The following DENND2A variants were observed in gnomAD, a reference collection of about 807,000 sequenced individuals.
DENND2A encodes the protein DENN domain-containing protein 2A.
In DENND2A, 53 loss-of-function variants were observed where a neutral mutation model predicts 105.3. The observed-to-expected ratio is 0.50, with a 90% confidence interval of 0.40 to 0.63. The LOEUF (loss-of-function observed/expected upper bound fraction) is 0.63. DENND2A is among the 30% of genes least tolerant of loss of function. The pLI, the probability that DENND2A is intolerant of heterozygous loss-of-function variation, is 0.00. For missense variants in DENND2A, 1,138 were observed against 1,279.6 expected (o/e 0.89, Z 1.69); for synonymous variants, 522 against 508.4 (o/e 1.03, Z -0.36).
At chr7:140,542,676 T>C (rs1796717760) in intron 14 of DENND2A, among the ~76,000 whole-genome samples, 1 of 151,732 alleles carries the variant, frequency 6.6e-6, no homozygotes, top group East Asian at 2.0e-4. Flanking sequence ...ACGATTCTTC[T>C]TCAAGCCTCC....
intron 8 of DENND2A, 23 bp from the exon 9 acceptor site, chr7:140,567,296 A>AGAG (rs1797882416): frequency 2.6e-5 from 22 of 830,692 alleles, no homozygotes; most frequent in Middle Eastern, 4.1e-4. Flanking sequence ...GGGAGAGAGA[A>AGAG]AGAGAGAAAG....
At chr7:140,621,104 C>T (rs1800274113) in intron 1 of DENND2A, among the ~76,000 whole-genome samples, 1 of 152,194 alleles carries the variant, frequency 6.6e-6, no homozygotes, top group Non-Finnish European at 1.5e-5. Flanking sequence ...TCATGGCTCA[C>T]TGCAGCCTCA....
chr7:140,626,569 G>T (rs920896181), intron 1 of DENND2A, among the ~76,000 whole-genome samples: 5 of 152,124 alleles, frequency 3.3e-5, no homozygotes, highest in Admixed American at 2.6e-4. Context: ...TTGCTTCCTG[G>T]CACATCTCCC....
chr7:140,589,867 G>C (rs1798938764), intron 3 of DENND2A, among the ~76,000 whole-genome samples: 1 of 152,150 alleles, frequency 6.6e-6, no homozygotes, highest in Non-Finnish European at 1.5e-5. Context: ...GGGCTCAAGC[G>C]ATCCTCCTGT....
intron 16 of DENND2A, among the ~76,000 whole-genome samples, chr7:140,524,861 T>C (rs79752651): frequency 0.091 from 13,693 of 151,272 alleles, 695 homozygotes; most frequent in African/African-American, 0.12. Flanking sequence ...GGATTGTAAG[T>C]GTGCCCCGGC....
chr7:140,609,506 C>A (rs538601967), intron 1 of DENND2A, among the ~76,000 whole-genome samples: 1 of 152,214 alleles, frequency 6.6e-6, no homozygotes, highest in South Asian at 2.1e-4. Context: ...GAGTGAGACT[C>A]TTTTTTGAGA....
intron 1 of DENND2A, among the ~76,000 whole-genome samples, chr7:140,609,390 A>T (rs1297164449): frequency 6.6e-6 from 1 of 151,966 alleles, no homozygotes; most frequent in African/African-American, 2.4e-5. Context: ...GTGGGCGCTT[A>T]TAATCCCAGC....
chr7:140,532,115 A>G (rs538793068), intron 14 of DENND2A, among the ~76,000 whole-genome samples: 1 of 152,020 alleles, frequency 6.6e-6, no homozygotes, highest in African/African-American at 2.4e-5. Context: ...ATACAAAAAA[A>G]TTAGCCAGAT....
At chr7:140,526,099 G>T (rs1159508959) in intron 15 of DENND2A, among the ~76,000 whole-genome samples, 1 of 152,172 alleles carries the variant, frequency 6.6e-6, no homozygotes, top group Admixed American at 6.5e-5. Context: ...GCCTTTTAGG[G>T]TGTGGGCTAC....
At chr7:140,550,480 C>G (rs1797086472) in intron 12 of DENND2A, among the ~76,000 whole-genome samples, 1 of 152,198 alleles carries the variant, frequency 6.6e-6, no homozygotes, top group South Asian at 2.1e-4. Context: ...GCCTCAGCCC[C>G]TGGCTAATTT....
intron 5 of DENND2A, among the ~76,000 whole-genome samples, chr7:140,576,486 T>C (rs1357301330): frequency 2.0e-5 from 3 of 152,230 alleles, no homozygotes; most frequent in African/African-American, 4.8e-5. Flanking sequence ...ATCCTTGTTC[T>C]ATTTAATGAA....
At chr7:140,552,444 A>C (rs1292117988) in intron 12 of DENND2A, among the ~76,000 whole-genome samples, 2 of 150,122 alleles carry the variant, frequency 1.3e-5, no homozygotes, top group African/African-American at 4.9e-5. Context: ...CCAAGGCTGG[A>C]GTGCACTGGT....
chr7:140,597,587 A>G (rs1162867972), intron 3 of DENND2A, among the ~76,000 whole-genome samples: 1 of 152,246 alleles, frequency 6.6e-6, no homozygotes, highest in African/African-American at 2.4e-5. Context: ...TTGGACTGAA[A>G]TAAGTAACTT....
rs540329407 is a variant in DENND2A at position 140,591,696 on chromosome 7, T to G, written c.996-3916A>C. 1.9e-4 allele frequency among the ~76,000 whole-genome samples: 22 copies of G among 118,896 alleles called. No individual in the cohort carries two copies. In the South Asian group the frequency reaches 5.6e-3, roughly 30 times the overall value. The allele number at this position is 118,896 out of a possible 152,430, so 78.0% of individuals were successfully genotyped here. ...CTCTTTCTTTCTTTCTTTCTTTCCTTCCTTCCTTCCTTCTTTCTCTCTCTT... is the reference window on the plus strand; with the variant it reads ...CTCTTTCTTTCTTTCTTTCTTTCCTGCCTTCCTTCCTTCTTTCTCTCTCTT... On this transcript the variant is annotated intron_variant, in intron 3 of 19. Transcript: ENST00000496613.
intron 14 of DENND2A, among the ~76,000 whole-genome samples, chr7:140,531,085 T>A (rs975797569): frequency 1.3e-5 from 2 of 152,236 alleles, no homozygotes; most frequent in Non-Finnish European, 1.5e-5. Flanking sequence ...AAAGCAGAGA[T>A]ACCTTTCCCT....
rs970417890 is a variant in DENND2A, at chr7:140,601,305, A to G, written c.995+98T>C. 5 of 1,461,894 alleles carry G rather than the reference A, an allele frequency of 3.4e-6. No homozygotes were observed. The African/African-American group carries it at 4.2e-5, about 12-fold the overall frequency. The allele number at this position is 1,461,894 out of a possible 1,614,324, so 90.6% of individuals were successfully genotyped here. Reference sequence around the variant, plus strand: ...GGACTACAAGATCCATCAGTTTAATAAAACAAATAATTCAGCTGAGAACAG... The same window carrying G: ...GGACTACAAGATCCATCAGTTTAATGAAACAAATAATTCAGCTGAGAACAG... On this transcript the variant is annotated intron_variant, in intron 3 of 19. Coordinates refer to ENST00000496613, the MANE Select transcript of DENND2A (RefSeq NM_015689.5).
chr7:140,530,492 A>G (rs1796220289), intron 14 of DENND2A, among the ~76,000 whole-genome samples: 3 of 152,120 alleles, frequency 2.0e-5, no homozygotes, highest in African/African-American at 7.2e-5. Context: ...CATGCATCGC[A>G]CTGATATTCG....
intron 13 of DENND2A, 62 bp downstream of exon 13, chr7:140,546,737 C>G: frequency 1.3e-6 from 2 of 1,593,138 alleles, no homozygotes; most frequent in Non-Finnish European, 8.6e-7. Flanking sequence ...CCTCTGAGCA[C>G]GGAGACTCGG....
intron 14 of DENND2A, among the ~76,000 whole-genome samples, chr7:140,536,357 G>GAA (rs781061820): frequency 2.1e-5 from 3 of 140,506 alleles, no homozygotes; most frequent in Admixed American, 7.2e-5. Flanking sequence ...TCCATCTCAG[G>GAA]AAAAAAAAAA....
Sources: allele counts gnomAD v4.1 joint callset (sites outside exome capture counted in the v4.1 genomes callset), GRCh38; gene constraint gnomAD v4.1.1; transcripts MANE v1.5; gene names NCBI Gene and HGNC (gene_info 2026-07-23, HGNC 2026-07-21).